The following BCKDHB variants were observed in gnomAD, a reference collection of about 807,000 sequenced individuals.
The protein encoded by BCKDHB is branched chain keto acid dehydrogenase E1 subunit beta, also known as 2-oxoisovalerate dehydrogenase subunit beta, mitochondrial.
Under a neutral mutation model 48.5 loss-of-function variants are expected in BCKDHB, and 41 were observed. The ratio of observed to expected loss-of-function variants is 0.85; its 90% CI spans 0.66 to 1.10. The LOEUF is 1.10. Ranked by LOEUF, BCKDHB falls within the 50% of genes least tolerant of loss-of-function variation. The pLI, the probability that BCKDHB is intolerant of heterozygous loss-of-function variation, is 0.00. For synonymous variants in BCKDHB, 201 were observed against 174.8 expected (o/e 1.15, Z -1.18); for missense variants, 496 against 494.2 (o/e 1.00, Z -0.03).
At chr6:80,370,653 G>T in the BCKDHB span, among the ~76,000 whole-genome samples, 1 of 152,030 alleles carries the variant, frequency 6.6e-6, no homozygotes, top group Non-Finnish European at 1.5e-5. Flanking sequence ...ACAATGTTTG[G>T]CTTTCCATTC....
At chr6:80,294,243 A>G (rs1277472431) in intron 9 of BCKDHB, among the ~76,000 whole-genome samples, 1 of 152,228 alleles carries the variant, frequency 6.6e-6, no homozygotes, top group Non-Finnish European at 1.5e-5. Context: ...TAATACTTTT[A>G]TAATTTCTTA....
chr6:80,418,183 G>A, the BCKDHB span, among the ~76,000 whole-genome samples: 2 of 152,090 alleles, frequency 1.3e-5, no homozygotes, highest in Non-Finnish European at 2.9e-5. Context: ...CCTCTATCAG[G>A]TCGTTTGTTT....
the BCKDHB span, among the ~76,000 whole-genome samples, chr6:80,445,647 G>T: frequency 6.6e-6 from 1 of 152,182 alleles, no homozygotes; most frequent in Admixed American, 6.6e-5. Flanking sequence ...ATCATAAGAT[G>T]CAGAGACTTG....
At chr6:80,156,063 A>G (rs1772031540) in intron 3 of BCKDHB, among the ~76,000 whole-genome samples, 1 of 151,466 alleles carries the variant, frequency 6.6e-6, no homozygotes, top group Non-Finnish European at 1.5e-5. Flanking sequence ...TTATTTGTCC[A>G]CCTTCTCCCT....
intron 1 of BCKDHB, among the ~76,000 whole-genome samples, chr6:80,111,357 T>A (rs900424898): frequency 6.6e-6 from 1 of 152,184 alleles, no homozygotes; most frequent in African/African-American, 2.4e-5. Flanking sequence ...TAATTTCTCT[T>A]TTGCACTGCT....
intron 8 of BCKDHB, among the ~76,000 whole-genome samples, chr6:80,256,003 C>T (rs1007449233): frequency 5.3e-5 from 8 of 152,096 alleles, no homozygotes; most frequent in Non-Finnish European, 8.8e-5. Context: ...TTGGTTATTT[C>T]CCCCCAAAGG....
chr6:80,175,393 C>T (rs536624115), intron 6 of BCKDHB, among the ~76,000 whole-genome samples: 8 of 152,134 alleles, frequency 5.3e-5, no homozygotes, highest in African/African-American at 1.9e-4. Context: ...TACACAATGA[C>T]AGGAAATGGA....
intron 4 of BCKDHB, 84 bp from the exon 5 acceptor site, chr6:80,168,791 A>AAGGAAGGGAGGGAGGGTGGG (rs139630496): frequency 1.0e-6 from 1 of 999,482 alleles, no homozygotes; most frequent in Admixed American, 2.1e-5. Context: ...GGAAGGAAGG[A>AAGGAAGGGAGGGAGGGTGGG]AGGGAGGGAG....
the BCKDHB span, among the ~76,000 whole-genome samples, chr6:80,373,793 A>C: frequency 6.6e-6 from 1 of 151,830 alleles, no homozygotes; most frequent in Admixed American, 6.6e-5. Context: ...TGTTGCTTTT[A>C]AGTTTGTTTT....
intron 1 of BCKDHB, among the ~76,000 whole-genome samples, chr6:80,108,959 G>C (rs1003589340): frequency 6.6e-6 from 1 of 152,086 alleles, no homozygotes; most frequent in Non-Finnish European, 1.5e-5. Context: ...TTTTAGTTTC[G>C]TATTTTCCAT....
rs554146165 is a variant in BCKDHB at position 80,310,992 on chromosome 6, A to C, written c.1039-32672A>C. Among the ~76,000 whole-genome samples the C allele has an allele frequency of 5.7e-4, 86 of 151,932 alleles. 1 individual carries two copies. The highest frequency in any genetic ancestry group is 2.0e-3 in the African/African-American group (82 of 41,406). On this transcript the variant is annotated intron_variant, in intron 9 of 9. Coordinates refer to ENST00000320393, the MANE Select transcript of BCKDHB (RefSeq NM_183050.4). The stretch of plus-strand genomic sequence containing the variant: ...TGTTTAAGTTCCTTATAAATGCTGG[A>C]TATTAGACTTTTTTCAGATGGTGAT...
At chr6:80,118,632 A>C (rs1769835737) in intron 1 of BCKDHB, among the ~76,000 whole-genome samples, 1 of 152,164 alleles carries the variant, frequency 6.6e-6, no homozygotes, top group African/African-American at 2.4e-5. Context: ...ACCACAGTAG[A>C]ACTTTTTTCA....
chr6:80,316,770 A>G (rs547023529), intron 9 of BCKDHB, among the ~76,000 whole-genome samples: 34 of 152,338 alleles, frequency 2.2e-4, no homozygotes, highest in Non-Finnish European at 4.1e-4. Context: ...TGGTTTTGTT[A>G]CAGAGCTTTG....
chr6:80,188,160 A>G (rs1405528832), intron 6 of BCKDHB, among the ~76,000 whole-genome samples: 1 of 152,238 alleles, frequency 6.6e-6, no homozygotes, highest in Non-Finnish European at 1.5e-5. Flanking sequence ...AAAAAGAATG[A>G]GATATGTCCT....
At chr6:80,238,784 T>C (rs182176225) in intron 8 of BCKDHB, among the ~76,000 whole-genome samples, 38 of 152,094 alleles carry the variant, frequency 2.5e-4, no homozygotes, top group Admixed American at 2.2e-3. Flanking sequence ...CAGTGTGTGA[T>C]GTTCCCCACC....
At chr6:80,366,246 A>G in the BCKDHB span, among the ~76,000 whole-genome samples, 4 of 152,190 alleles carry the variant, frequency 2.6e-5, no homozygotes, top group Non-Finnish European at 2.9e-5. Context: ...TCTTTCAAAG[A>G]CGCAGATTGA....
intron 8 of BCKDHB, among the ~76,000 whole-genome samples, chr6:80,250,222 G>T (rs1235769176): frequency 6.6e-6 from 1 of 152,026 alleles, no homozygotes; most frequent in African/African-American, 2.4e-5. Flanking sequence ...TGAAGCCTAG[G>T]AGTTTAGATC....
chr6:80,269,660 C>G (rs78594419), intron 8 of BCKDHB, among the ~76,000 whole-genome samples: 2,453 of 152,088 alleles, frequency 0.016, 28 homozygotes, highest in Non-Finnish European at 0.023. Context: ...ATAGGTTCAG[C>G]TTTCATCCTG....
chr6:80,326,921 C>A (rs1234546167), intron 9 of BCKDHB, among the ~76,000 whole-genome samples: 2 of 152,112 alleles, frequency 1.3e-5, no homozygotes, highest in African/African-American at 4.8e-5. Context: ...CAGATGTTTA[C>A]TGACAGACTA....
Sources: gnomAD v4.1 joint callset for allele counts (sites outside exome capture counted in the v4.1 genomes callset) on GRCh38, gnomAD v4.1.1 for gene constraint, MANE v1.5 for transcripts, NCBI Gene and HGNC (gene_info 2026-07-23, HGNC 2026-07-21) for gene names.